MOGS: variants seen among roughly 807,000 people sequenced by gnomAD.
MOGS encodes mannosyl-oligosaccharide glucosidase.
MOGS carries 45 observed loss-of-function variants against 68.5 expected under a neutral mutation model. That is an observed-to-expected ratio of 0.66 (90% CI 0.52 to 0.84). The LOEUF (loss-of-function observed/expected upper bound fraction) is 0.84, where lower values mean the gene tolerates loss of function less well. Among genes scored for constraint, MOGS ranks in the 40% least tolerant of loss-of-function variants. The probability of loss-of-function intolerance (pLI) is 0.00; values close to 1 mark genes in which losing one functional copy is unlikely to be tolerated. For missense variants in MOGS, 1,020 were observed against 1,095.0 expected (o/e 0.93, Z 0.97); for synonymous variants, 492 against 461.2 (o/e 1.07, Z -0.86).
chr2:74,462,786 C>T lies in MOGS; in HGVS notation c.1003G>A (p.Val335Met), dbSNP rs775692078. ...TLKIPISIEF[V>M]FESGSAQAGG... Reference sequence around the variant, plus strand: ...GCCTGGGCACTGCCTGATTCAAACACAAACTCTATGGAAATGGGAATTTTC... The same window carrying T: ...GCCTGGGCACTGCCTGATTCAAACATAAACTCTATGGAAATGGGAATTTTC... Residue 335 changes from valine (V) to methionine (M), a missense_variant, in exon 4 of 4, where the codon GTG (valine) becomes ATG (methionine). Coordinates refer to ENST00000448666, the MANE Select transcript of MOGS (RefSeq NM_006302.3). 3.1e-6 allele frequency: 5 copies of T among 1,614,250 alleles called. No individual in the cohort carries two copies. In the South Asian group the frequency reaches 5.5e-5, roughly 18 times the overall value.
chr2:74,464,212 G>A (rs943995542), intron 2 of MOGS, among the ~76,000 whole-genome samples: 13 of 152,022 alleles, frequency 8.6e-5, no homozygotes, highest in Non-Finnish European at 1.9e-4. Context: ...GCCAGCCTCG[G>A]CCTCCCAAAG....
chr2:74,464,753 A>G, intron 1 of MOGS, 31 bp from the exon 2 acceptor site: 1 of 1,600,758 alleles, frequency 6.2e-7, no homozygotes, highest in Non-Finnish European at 8.5e-7. Context: ...TAAGTCAAAG[A>G]GCAGGGGACC....
chr2:74,462,979 C>T lies in MOGS; in HGVS notation c.810G>A (p.Leu270=), dbSNP rs1284777296. 6 of 1,614,028 alleles carry T rather than the reference C, an allele frequency of 3.7e-6. No individual in the cohort carries two copies. The highest frequency in any genetic ancestry group is 1.3e-5 in the African/African-American group (1 of 74,946). ...TCTTTACCATCTCTGTCAGCAGGGG[C>T]AGTCCTGGGTTGGAGGTCCAGAAGA... is the stretch of plus-strand genomic sequence containing the variant. The part of the protein sequence containing the change: ...YNVFWTSNPG[L]PLLTEMVKSR... Residue 270 remains leucine (L), a synonymous_variant, in exon 4 of 4, where the codon CTG becomes CTA. Transcript: ENST00000448666.
rs530965641 is a variant in MOGS, at chr2:74,463,541, C to T, written c.580-155G>A. 3.2e-5 allele frequency: 24 copies of T among 751,158 alleles called. No individual in the cohort carries two copies. The East Asian group carries it at 6.2e-4, about 19-fold the overall frequency. 46.5% of individuals were successfully genotyped at this position (751,158 alleles called of 1,614,324 possible). A position where few individuals can be genotyped will look rare whatever the true frequency, so the allele number is the denominator to read the frequency against. ...CAGTAATGAGGGTCACTGAGGGTAA[C>T]CAGGTACACCCAAGCGGGATGAGAT... On this transcript the variant is annotated intron_variant, in intron 2 of 3. Transcript: ENST00000448666.
In MOGS at chr2:74,462,633, C is replaced by T; in HGVS notation, c.1156G>A (p.Gly386Ser). Reference sequence around the variant, plus strand: ...GCAGCCTGACCCAAAACCTGCTCGCCAGAGCTCAGGCCCTTCTCCTTCAGC... The same window carrying T: ...GCAGCCTGACCCAAAACCTGCTCGCTAGAGCTCAGGCCCTTCTCCTTCAGC... Reference protein sequence around the residue: ...FQLKEKGLSSGEQVLGQAALS... With the variant: ...FQLKEKGLSSSEQVLGQAALS... The change falls in exon 4 of 4, where the codon GGC becomes AGC. Residue 386 changes from glycine to serine, a missense_variant. Gly to Ser is a moderately conservative substitution (Grantham distance 56). Coordinates refer to ENST00000448666, the MANE Select transcript of MOGS (RefSeq NM_006302.3). 1 of 1,614,212 alleles carries T rather than the reference C, an allele frequency of 6.2e-7. No homozygotes were observed. Among genetic ancestry groups the T allele is most frequent in the Non-Finnish European group, 8.5e-7 (1 of 1,180,048 alleles).
At position 74,463,255 on chromosome 2, in the gene MOGS, A is replaced by G; in HGVS notation, c.711T>C (p.Leu237=). The change falls in exon 3 of 4, where the codon CTT becomes CTC. Residue 237 remains leucine, a synonymous_variant. Transcript: ENST00000448666. ...LKFISGHTSE[L]GDFRFTLLPP... ...GCAAAAGTGTAAAGCGGAAGTCACC[A>G]AGTTCACTGGTGTGCCCACTGATAA... The G allele has an allele frequency of 1.2e-6, 2 of 1,614,174 alleles. No individual in the cohort carries two copies. Among genetic ancestry groups the G allele is most frequent in the Non-Finnish European group, 1.7e-6 (2 of 1,180,022 alleles).
Position 74,465,292 on chromosome 2 carries a change from T to G in MOGS, c.-45A>C, listed in dbSNP as rs1672038792. 7.4e-7 allele frequency: 1 copy of G among 1,351,606 alleles called. No individual in the cohort carries two copies. Among genetic ancestry groups the G allele is most frequent in the Middle Eastern group, 2.7e-4 (1 of 3,650 alleles). 83.7% of individuals were successfully genotyped at this position (1,351,606 alleles called of 1,614,324 possible). On this transcript the variant is annotated 5_prime_UTR_variant, in exon 1 of 4. Transcript: ENST00000448666. ...TCACAAGAGCTCGGAGAGGCGGCAG[T>G]GGAGCCCGGGTCCTGCCTCACCTCT...
In MOGS at chr2:74,465,157, C is replaced by G; in HGVS notation, c.91G>C (p.Asp31His). 6.5e-7 allele frequency: 1 copy of G among 1,531,588 alleles called. No individual in the cohort carries two copies. The highest frequency in any genetic ancestry group is 8.7e-7 in the Non-Finnish European group (1 of 1,145,338). 94.9% of individuals were successfully genotyped at this position (1,531,588 alleles called of 1,614,324 possible). A position where few individuals can be genotyped will look rare whatever the true frequency, so the allele number is the denominator to read the frequency against. ...CTACGCGGCCCGCCGCCCCGGCCGTCCCGTCGCCCGGGGCCTCCCCGAGCC... is the reference window on the plus strand; with the variant it reads ...CTACGCGGCCCGCCGCCCCGGCCGTGCCGTCGCCCGGGGCCTCCCCGAGCC... ...RAARGGPGRR[D>H]GRGGGPRSTA... is the part of the protein sequence containing the mutation. Residue 31 changes from aspartate (D) to histidine (H), a missense_variant, in exon 1 of 4, where the codon GAC (aspartate) becomes CAC (histidine). Transcript: ENST00000448666.
intron 3 of MOGS, 89 bp from the exon 4 acceptor site, chr2:74,463,101 T>G: frequency 1.2e-6 from 2 of 1,609,040 alleles, no homozygotes; most frequent in South Asian, 1.1e-5. Flanking sequence ...AGGAGTCAGG[T>G]TGGGAGGTCT....
At position 74,462,526 on chromosome 2, in the gene MOGS, C is replaced by T; in HGVS notation, c.1263G>A (p.Glu421=). 1 of 1,609,464 alleles carries T rather than the reference C, an allele frequency of 6.2e-7. No individual in the cohort carries two copies. The highest frequency in any genetic ancestry group is 1.7e-5 in the Admixed American group (1 of 59,742). ...VLPDIGVEGS[E]QKVDPALFPP... Reference sequence around the variant, plus strand: ...GAAAGAGGGCTGGGTCCACCTTCTGCTCAGACCCTTCCACCCCGATGTCTG... The same window carrying T: ...GAAAGAGGGCTGGGTCCACCTTCTGTTCAGACCCTTCCACCCCGATGTCTG... Residue 421 remains glutamate (E), a synonymous_variant, in exon 4 of 4, where the codon GAG becomes GAA. Transcript: ENST00000448666.
chr2:74,464,469 G>A (rs370476641), intron 2 of MOGS, 27 bp downstream of exon 2: 3 of 1,608,908 alleles, frequency 1.9e-6, no homozygotes, highest in Non-Finnish European at 2.5e-6. Context: ...GGTCTGGGCT[G>A]AGAAAAGGGT....
Position 74,462,604 on chromosome 2 carries a change from G to A in MOGS, c.1185C>T (p.Leu395=), listed in dbSNP as rs751485436. 5 of 1,614,162 alleles carry A rather than the reference G, an allele frequency of 3.1e-6. No homozygotes were observed. Among genetic ancestry groups the A allele is most frequent in the Non-Finnish European group, 3.4e-6 (4 of 1,180,010 alleles). ...SGEQVLGQAA[L]SGLLGGIGYF... is the part of the protein sequence containing the mutation. ...AGCCAATTCCACCAAGGAGGCCGCTGAGGGCAGCCTGACCCAAAACCTGCT... is the reference window on the plus strand; with the variant it reads ...AGCCAATTCCACCAAGGAGGCCGCTAAGGGCAGCCTGACCCAAAACCTGCT... The change falls in exon 4 of 4, where the codon CTC becomes CTT. Residue 395 remains leucine, a synonymous_variant. Coordinates refer to ENST00000448666, the MANE Select transcript of MOGS (RefSeq NM_006302.3).
chr2:74,464,861 A>T (rs778169245), intron 1 of MOGS, 35 bp downstream of exon 1: 1 of 1,590,682 alleles, frequency 6.3e-7, no homozygotes, highest in South Asian at 1.1e-5. Flanking sequence ...CCAGATTAGG[A>T]GTCCGCCTGC....
rs1303532263 is a variant in MOGS at position 74,464,595 on chromosome 2, G to A, written c.480C>T (p.His160=). The A allele has an allele frequency of 4.3e-6, 7 of 1,614,090 alleles. No individual in the cohort carries two copies. The highest frequency in any genetic ancestry group is 2.2e-5 in the East Asian group (1 of 44,866). Residue 160 remains histidine, a synonymous_variant, in exon 2 of 4, where the codon CAC becomes CAT. Transcript: ENST00000448666. Reference sequence around the variant, plus strand: ...TGAGCCTTAAGGCCCCATCCTGGATGTGTTGGCGCCCGAAGGAGAGGCCGT... The same window carrying A: ...TGAGCCTTAAGGCCCCATCCTGGATATGTTGGCGCCCGAAGGAGAGGCCGT... ...FHDGLSFGRQ[H]IQDGALRLTT...
At position 74,463,028 on chromosome 2, in the gene MOGS, A is replaced by G. The variant is rs1463408785; in HGVS notation, c.777-16T>C. 18 of 1,613,850 alleles carry G rather than the reference A, an allele frequency of 1.1e-5. No individual in the cohort carries two copies. Among genetic ancestry groups the G allele is most frequent in the Non-Finnish European group, 1.4e-5 (16 of 1,179,910 alleles). On this transcript the variant is annotated splice_polypyrimidine_tract_variant and intron_variant, in intron 3 of 3. Coordinates refer to ENST00000448666, the MANE Select transcript of MOGS (RefSeq NM_006302.3). ...GACATTGTAGCTTGAAGGGGAGAAG[A>G]TAAATAGGAAATATTATTCAAGAGA... is the stretch of plus-strand genomic sequence containing the variant.
chr2:74,465,193 C>A lies in MOGS; in HGVS notation c.55G>T (p.Ala19Ser). The change falls in exon 1 of 4, where the codon GCC becomes TCC. Residue 19 changes from alanine to serine, a missense_variant. Physicochemically the swap from Ala to Ser is moderately conservative, Grantham distance 99. Transcript: ENST00000448666. ...RAVPAEGVRT[A>S]ERAARGGPGR... ...GGGCCTCCCCGAGCCGCCCTCTCGG[C>A]TGTCCGCACTCCCTCTGCCGGCACT... 6.5e-7 allele frequency: 1 copy of A among 1,535,134 alleles called. No homozygotes were observed. The highest frequency in any genetic ancestry group is 8.7e-7 in the Non-Finnish European group (1 of 1,150,676).
chr2:74,465,243 G>C lies in MOGS; in HGVS notation c.5C>G (p.Ala2Gly). Residue 2 changes from alanine to glycine, a missense_variant, in exon 1 of 4, where the codon GCT becomes GGT. Around this residue, in one of 3 missense-constraint regions of MOGS, gnomAD observed 569 missense variants for 571.9 expected, o/e 0.99. Transcript: ENST00000448666. ...TGCGCGGCGCCGCCGCTCGCCCCGAGCCATCCTGGCACTGAGGTCCGCGTC... is the reference window on the plus strand; with the variant it reads ...TGCGCGGCGCCGCCGCTCGCCCCGACCCATCCTGGCACTGAGGTCCGCGTC... M[A>G]RGERRRRAVP... is the part of the protein sequence containing the mutation. 2 of 1,442,458 alleles carry C rather than the reference G, an allele frequency of 1.4e-6. No homozygotes were observed. Among genetic ancestry groups the C allele is most frequent in the Non-Finnish European group, 1.8e-6 (2 of 1,113,592 alleles). 89.4% of individuals were successfully genotyped at this position (1,442,458 alleles called of 1,614,324 possible). A position where few individuals can be genotyped will look rare whatever the true frequency, so the allele number is the denominator to read the frequency against.
chr2:74,462,368 CA>C lies in MOGS; in HGVS notation c.1420del (p.Trp474GlyfsTer5), dbSNP rs776037784. The stretch of plus-strand genomic sequence containing the variant: ...GCCATCAGCATTTAGCAGCCCCAGC[CA>C]GTGGCCAAGGGCTTCCCGGGTGAGG... ...PSLTREALGH[W>X]LGLLNADGWI... On this transcript the variant is annotated frameshift_variant, in exon 4 of 4. Transcript: ENST00000448666. LOFTEE classifies it high-confidence loss of function. 1 of 1,614,160 alleles carries C rather than the reference CA, an allele frequency of 6.2e-7. No homozygotes were observed. Among genetic ancestry groups the C allele is most frequent in the Admixed American group, 1.7e-5 (1 of 60,032 alleles).
chr2:74,465,317 T>C lies in MOGS; in HGVS notation c.-70A>G. ...TGGAGCCCGGGTCCTGCCTCACCTC[T>C]CCGGCTCCCGCCTCTCGCCCTGGCG... On this transcript the variant is annotated 5_prime_UTR_variant, in exon 1 of 4. Transcript: ENST00000448666. 3.4e-6 allele frequency: 4 copies of C among 1,176,866 alleles called. No homozygotes were observed. The highest frequency in any genetic ancestry group is 2.4e-5 in the South Asian group (1 of 41,588). 72.9% of individuals were successfully genotyped at this position (1,176,866 alleles called of 1,614,324 possible).
Sources: allele counts gnomAD v4.1 joint callset (sites outside exome capture counted in the v4.1 genomes callset), GRCh38; gene constraint gnomAD v4.1.1; regional missense constraint gnomAD v4.1.1; transcripts MANE v1.5; gene names NCBI Gene and HGNC (gene_info 2026-07-23, HGNC 2026-07-21).